SDK2: variants seen among roughly 807,000 people sequenced by gnomAD.
SDK2 encodes protein sidekick-2.
Under a neutral mutation model 253.9 loss-of-function variants are expected in SDK2, and 105 were observed. The ratio of observed to expected loss-of-function variants is 0.41; its 90% CI spans 0.35 to 0.49. The LOEUF (loss-of-function observed/expected upper bound fraction) is 0.49. Among genes scored for constraint, SDK2 ranks in the 20% least tolerant of loss-of-function variants. The pLI, the probability that SDK2 is intolerant of heterozygous loss-of-function variation, is 0.06. For missense variants in SDK2, 2,608 were observed against 3,003.0 expected (o/e 0.87, Z 3.07); for synonymous variants, 1,249 against 1,234.9 (o/e 1.01, Z -0.24).
chr17:73,443,479 C>T lies in SDK2; in HGVS notation c.614-2556G>A, dbSNP rs544379326. On this transcript the variant is annotated intron_variant, in intron 5 of 44. Transcript: ENST00000392650. This position sits in a 1 kb window ranked among gnomAD's most constrained non-coding sequence, Gnocchi z 4.6. ...TAATGGGGCACAAGTAAGAGACAGACAGTTAGAGCCCAAGCCAGAGCGCCG... is the reference window on the plus strand; with the variant it reads ...TAATGGGGCACAAGTAAGAGACAGATAGTTAGAGCCCAAGCCAGAGCGCCG... 6.6e-6 allele frequency among the ~76,000 whole-genome samples: 1 copy of T among 152,354 alleles called. No individual in the cohort carries two copies. The highest frequency in any genetic ancestry group is 6.5e-5 in the Admixed American group (1 of 15,310).
At chr17:73,464,284 G>T (rs921220870) in intron 3 of SDK2, among the ~76,000 whole-genome samples, 2 of 152,124 alleles carry the variant, frequency 1.3e-5, no homozygotes, top group African/African-American at 2.4e-5. Flanking sequence ...CCCCCATACC[G>T]TTCTCGTGAT....
chr17:73,535,658 G>A (rs192471315), intron 1 of SDK2, among the ~76,000 whole-genome samples: 2 of 152,352 alleles, frequency 1.3e-5, no homozygotes, highest in East Asian at 1.9e-4. Context: ...GAAGCTATCA[G>A]TGGGACATCA....
At chr17:73,356,985 T>C (rs1013350011) in intron 40 of SDK2, among the ~76,000 whole-genome samples, 2 of 152,196 alleles carry the variant, frequency 1.3e-5, no homozygotes, top group African/African-American at 4.8e-5. Flanking sequence ...CAGGCCCTGG[T>C]TGGGAGAAGC....
At chr17:73,451,534 A>G (rs1366284654) in intron 4 of SDK2, among the ~76,000 whole-genome samples, 1 of 152,122 alleles carries the variant, frequency 6.6e-6, no homozygotes, top group African/African-American at 2.4e-5. Context: ...AAACAACAAC[A>G]ATAAATGGGC....
intron 1 of SDK2, among the ~76,000 whole-genome samples, chr17:73,526,206 T>C (rs1014790091): frequency 6.6e-6 from 1 of 151,828 alleles, no homozygotes; most frequent in African/African-American, 2.4e-5. Flanking sequence ...CGGTGGCTTC[T>C]GGGAACTTTA....
rs147276739 is a variant in SDK2 at position 73,428,202 on chromosome 17, A to G, written c.1583+2309T>C. Among the ~76,000 whole-genome samples, 315 of 152,260 alleles carry G rather than the reference A, an allele frequency of 2.1e-3. 2 individuals are homozygous for G. The highest frequency in any genetic ancestry group is 7.4e-3 in the African/African-American group (306 of 41,570). On this transcript the variant is annotated intron_variant, in intron 12 of 44. Coordinates refer to ENST00000392650, the MANE Select transcript of SDK2 (RefSeq NM_001144952.2). ...CTGGGCACAGTGGCTCACGCCTGTA[A>G]TCCTAGCACTTTGGGAGGCTGAGCT...
At chr17:73,503,725 G>C (rs1161474564) in intron 2 of SDK2, among the ~76,000 whole-genome samples, 2 of 152,306 alleles carry the variant, frequency 1.3e-5, no homozygotes, top group East Asian at 3.9e-4. Flanking sequence ...TGCCAATCCT[G>C]ATGTCTCAAG....
intron 1 of SDK2, among the ~76,000 whole-genome samples, chr17:73,569,848 C>T (rs2045359387): frequency 6.6e-6 from 1 of 152,088 alleles, no homozygotes; most frequent in Non-Finnish European, 1.5e-5. Context: ...AGCCTGTACC[C>T]TTCCTTCCTT....
In SDK2 at chr17:73,552,928, T is replaced by C. The variant is rs114265993; in HGVS notation, c.65-45331A>G. The stretch of plus-strand genomic sequence containing the variant: ...GGCGCTCAGAGATGGGATGAACTGT[T>C]TGGAGAGGAGCCGTAGAGGAGAGGC... On this transcript the variant is annotated intron_variant, in intron 1 of 44. Coordinates refer to ENST00000392650, the MANE Select transcript of SDK2 (RefSeq NM_001144952.2). 2.2e-3 allele frequency among the ~76,000 whole-genome samples: 330 copies of C among 152,326 alleles called. 1 individual carries two copies. Among genetic ancestry groups the C allele is most frequent in the African/African-American group, 7.7e-3 (319 of 41,588 alleles).
At chr17:73,370,030 C>A (rs2062721652) in intron 36 of SDK2, among the ~76,000 whole-genome samples, 2 of 152,196 alleles carry the variant, frequency 1.3e-5, no homozygotes, top group Non-Finnish European at 2.9e-5. Context: ...GCCAGCTGGG[C>A]CCAGCCACGT....
At chr17:73,489,836 C>T (rs1415610939) in intron 2 of SDK2, among the ~76,000 whole-genome samples, 1 of 152,132 alleles carries the variant, frequency 6.6e-6, no homozygotes, top group African/African-American at 2.4e-5. Flanking sequence ...TCTATTTCAA[C>T]CTAGGTAGAG....
At chr17:73,614,964 C>A (rs544593536) in intron 1 of SDK2, among the ~76,000 whole-genome samples, 2 of 140,292 alleles carry the variant, frequency 1.4e-5, no homozygotes, top group Non-Finnish European at 3.0e-5. Context: ...GCATGTGTGT[C>A]CCCTGAATAG....
intron 3 of SDK2, among the ~76,000 whole-genome samples, chr17:73,456,728 C>G (rs546966306): frequency 6.6e-6 from 1 of 152,328 alleles, no homozygotes; most frequent in East Asian, 1.9e-4. Flanking sequence ...GAACATTTAT[C>G]CTGGCTCTGC....
At position 73,565,749 on chromosome 17, in the gene SDK2, C is replaced by T. The variant is rs60630466; in HGVS notation, c.65-58152G>A. 1.4e-3 allele frequency among the ~76,000 whole-genome samples: 220 copies of T among 152,338 alleles called. 2 individuals are homozygous for T. Among genetic ancestry groups the T allele is most frequent in the African/African-American group, 5.0e-3 (209 of 41,588 alleles). On this transcript the variant is annotated intron_variant, in intron 1 of 44. Transcript: ENST00000392650. ...TTGGGTAAGGGGGTTCCCCCATGAA[C>T]GGCTTGGTGCCCTTCCCATGGTAGT...
intron 44 of SDK2, among the ~76,000 whole-genome samples, chr17:73,340,946 G>C (rs1020639678): frequency 6.6e-6 from 1 of 151,324 alleles, no homozygotes; most frequent in Non-Finnish European, 1.5e-5. Flanking sequence ...GTTTCGCCAT[G>C]TTGGTCAAGC....
At chr17:73,622,590 C>G (rs1265370753) in intron 1 of SDK2, among the ~76,000 whole-genome samples, 1 of 152,188 alleles carries the variant, frequency 6.6e-6, no homozygotes, top group African/African-American at 2.4e-5. Context: ...GAAATCCACC[C>G]ACTGCCTCAC....
intron 4 of SDK2, among the ~76,000 whole-genome samples, chr17:73,452,995 C>T (rs2063499456): frequency 6.6e-6 from 1 of 152,226 alleles, no homozygotes; most frequent in African/African-American, 2.4e-5. Context: ...CACACTCTGA[C>T]TCACACAGCA....
chr17:73,602,362 T>C (rs533362387), intron 1 of SDK2, among the ~76,000 whole-genome samples: 2 of 152,232 alleles, frequency 1.3e-5, no homozygotes, highest in East Asian at 1.9e-4. Flanking sequence ...TCTTCCTCCA[T>C]GGCATCCTCA....
chr17:73,399,551 C>T (rs1302900040), intron 21 of SDK2, among the ~76,000 whole-genome samples: 1 of 152,180 alleles, frequency 6.6e-6, no homozygotes, highest in East Asian at 1.9e-4. Flanking sequence ...GGCCAGGAAA[C>T]AGGGGCCGGG....
Sources: gnomAD v4.1 joint callset for allele counts (sites outside exome capture counted in the v4.1 genomes callset) on GRCh38, gnomAD v4.1.1 for gene constraint, Gnocchi (gnomAD v3.1) non-coding constraint, MANE v1.5 for transcripts, NCBI Gene and HGNC (gene_info 2026-07-23, HGNC 2026-07-21) for gene names.